Variants in ARHGAP22 observed in about 807,000 individuals in gnomAD.
ARHGAP22 encodes the protein rho GTPase-activating protein 22.
In ARHGAP22, 48 loss-of-function variants were observed where a neutral mutation model predicts 59.1. The observed-to-expected ratio is 0.81, with a 90% CI of 0.64 to 1.03. The LOEUF is 1.03. Among genes scored for constraint, ARHGAP22 ranks in the 50% least tolerant of loss-of-function variants. The probability of loss-of-function intolerance (pLI) is 0.00; values close to 1 mark genes in which losing one functional copy is unlikely to be tolerated. For synonymous variants in ARHGAP22, 445 were observed against 416.4 expected (o/e 1.07, Z -0.84); for missense variants, 1,015 against 958.7 (o/e 1.06, Z -0.78).
chr10:48,605,050 A>C lies in ARHGAP22; in HGVS notation c.-254T>G. ...CATCCAAGCGGACCATTAAAGCCTC[A>C]GTAATCACTGCTGATCAATCACTGG... On this transcript the variant is annotated 5_prime_UTR_variant, in exon 1 of 10. Transcript: ENST00000249601. The C allele has an allele frequency of 7.1e-7, 1 of 1,411,756 alleles. No individual in the cohort carries two copies. Among genetic ancestry groups the C allele is most frequent in the Non-Finnish European group, 9.2e-7 (1 of 1,083,780 alleles). 87.5% of individuals were successfully genotyped at this position (1,411,756 alleles called of 1,614,324 possible). A position where few individuals can be genotyped will look rare whatever the true frequency, so the allele number is the denominator to read the frequency against.
chr10:48,433,209 C>T, the ARHGAP22 span, among the ~76,000 whole-genome samples: 1 of 152,062 alleles, frequency 6.6e-6, no homozygotes, highest in Non-Finnish European at 1.5e-5. Flanking sequence ...GTTTTTTCCC[C>T]TTAGGTACTT....
intron 3 of ARHGAP22, among the ~76,000 whole-genome samples, chr10:48,482,485 C>A (rs574906453): frequency 1.3e-5 from 2 of 152,008 alleles, no homozygotes; most frequent in Non-Finnish European, 2.9e-5. Context: ...GCCTCAAATA[C>A]CATGTTGAAT....
chr10:48,446,540 T>A lies in ARHGAP22; in HGVS notation c.1948A>T (p.Ile650Phe). ...EELDQEKKKY[I>F]MLEIKLRNSE... ...TTCCGCAGCTTTATTTCCAGCATGA[T>A]GTATTTTTTCTTTTCCTGGTCCAGT... The change falls in exon 10 of 10, where the codon ATC becomes TTC. Residue 650 changes from isoleucine (I) to phenylalanine (F), a missense_variant. Physicochemically the swap from Ile to Phe is conservative, Grantham distance 21. Transcript: ENST00000249601. 1 of 1,614,242 alleles carries A rather than the reference T, an allele frequency of 6.2e-7. No homozygotes were observed. Among genetic ancestry groups the A allele is most frequent in the Non-Finnish European group, 8.5e-7 (1 of 1,180,050 alleles).
rs780605280 is a variant in ARHGAP22 at position 48,451,148 on chromosome 10, G to C, written c.989-8C>G. On this transcript the variant is annotated splice_polypyrimidine_tract_variant and splice_region_variant and intron_variant, in intron 8 of 9. Coordinates refer to ENST00000249601, the MANE Select transcript of ARHGAP22 (RefSeq NM_021226.4). ...GCTGGACGAGGGAAGTGCCTGCCGG[G>C]AAGAGAGGCGGAGAAGGGCCTTGCT... is the stretch of plus-strand genomic sequence containing the variant. 6.4e-7 allele frequency: 1 copy of C among 1,551,122 alleles called. No homozygotes were observed. Among genetic ancestry groups the C allele is most frequent in the South Asian group, 1.2e-5 (1 of 84,100 alleles).
At chr10:48,481,536 C>T (rs2049320246) in intron 3 of ARHGAP22, among the ~76,000 whole-genome samples, 1 of 152,120 alleles carries the variant, frequency 6.6e-6, no homozygotes, top group Admixed American at 6.5e-5. Flanking sequence ...AAGAGGGCCA[C>T]CCAAGTCACA....
At chr10:48,574,415 T>C (rs1165360823) in intron 2 of ARHGAP22, among the ~76,000 whole-genome samples, 1 of 152,198 alleles carries the variant, frequency 6.6e-6, no homozygotes, top group Non-Finnish European at 1.5e-5. Flanking sequence ...GTGTTATAAA[T>C]AACAACAGCA....
intron 1 of ARHGAP22, among the ~76,000 whole-genome samples, chr10:48,629,359 A>G (rs935481645): frequency 6.6e-6 from 1 of 152,224 alleles, no homozygotes; most frequent in African/African-American, 2.4e-5. Context: ...ATGGGTGTCA[A>G]TCCCAAGGTT....
chr10:48,454,001 A>G, intron 7 of ARHGAP22, 87 bp downstream of exon 7: 1 of 1,398,322 alleles, frequency 7.2e-7, no homozygotes, highest in Non-Finnish European at 1.0e-6. Flanking sequence ...CCCCTCTGAC[A>G]AGGAAGAGTT....
chr10:48,456,071 C>T (rs1455531602), intron 5 of ARHGAP22, among the ~76,000 whole-genome samples: 1 of 152,136 alleles, frequency 6.6e-6, no homozygotes, highest in African/African-American at 2.4e-5. Flanking sequence ...CAGTTCAGGT[C>T]CTAAACGAGA....
At chr10:48,602,857 G>A (rs552810497) in intron 1 of ARHGAP22, among the ~76,000 whole-genome samples, 1 of 152,368 alleles carries the variant, frequency 6.6e-6, no homozygotes, top group African/African-American at 2.4e-5. Flanking sequence ...GGACTGGGGT[G>A]TGTGGGAAGA....
chr10:48,630,116 G>A (rs943880399), intron 1 of ARHGAP22, among the ~76,000 whole-genome samples: 5 of 151,888 alleles, frequency 3.3e-5, no homozygotes, highest in African/African-American at 9.7e-5. Context: ...TTTTTCAGAC[G>A]GAGTCTTGCT....
At chr10:48,615,640 C>T (rs948653725) in intron 1 of ARHGAP22, among the ~76,000 whole-genome samples, 5 of 152,086 alleles carry the variant, frequency 3.3e-5, no homozygotes, top group African/African-American at 1.2e-4. Context: ...ATCAGTAGAA[C>T]TGTCCATAAT....
intron 3 of ARHGAP22, among the ~76,000 whole-genome samples, chr10:48,546,932 T>C (rs1464231097): frequency 6.6e-6 from 1 of 152,140 alleles, no homozygotes; most frequent in Non-Finnish European, 1.5e-5. Flanking sequence ...TGCTTGGCAA[T>C]ATTCTCACCC....
intron 1 of ARHGAP22, among the ~76,000 whole-genome samples, chr10:48,621,768 G>A (rs1319016252): frequency 2.0e-5 from 3 of 152,094 alleles, no homozygotes; most frequent in Non-Finnish European, 4.4e-5. Flanking sequence ...AGTTATTATT[G>A]TTGCACCATT....
At chr10:48,438,431 CAG>C in the ARHGAP22 span, 11 of 152,212 alleles carry the variant, frequency 7.2e-5, no homozygotes, top group South Asian at 8.3e-4. Context: ...GTAAGGAAAA[CAG>C]AAGTCCTAAT....
chr10:48,521,936 CT>C (rs2053841429), intron 3 of ARHGAP22, among the ~76,000 whole-genome samples: 1 of 152,208 alleles, frequency 6.6e-6, no homozygotes. Flanking sequence ...TTCATAATTC[CT>C]TATGTCTAAG....
intron 2 of ARHGAP22, among the ~76,000 whole-genome samples, 172 bp from the exon 3 acceptor site, chr10:48,555,722 C>G (rs557273479): frequency 1.8e-4 from 28 of 152,310 alleles, no homozygotes; most frequent in Admixed American, 1.8e-3. Context: ...GAGATGAGGC[C>G]TACTCAGAGT....
the ARHGAP22 span, chr10:48,439,017 C>T: frequency 3.9e-5 from 6 of 152,138 alleles, no homozygotes; most frequent in Non-Finnish European, 8.8e-5. Context: ...AATTACGTGT[C>T]TCCCTGGACT....
At position 48,611,731 on chromosome 10, in the gene ARHGAP22, C is replaced by T. The variant is rs914254442; in HGVS notation, c.53-28579G>A. On this transcript the variant is annotated intron_variant, in intron 1 of 9. Transcript: ENST00000435790. ...CACCACAGTCAAATTCTTCCCTGCC[C>T]CACTGTTCTGAGCAGATGCCACACC... 4.6e-5 allele frequency among the ~76,000 whole-genome samples: 7 copies of T among 152,100 alleles called. No homozygotes were observed. The East Asian group carries it at 9.7e-4, about 21-fold the overall frequency.
Sources: gnomAD v4.1 joint callset for allele counts (sites outside exome capture counted in the v4.1 genomes callset) on GRCh38, gnomAD v4.1.1 for gene constraint, MANE v1.5 for transcripts, NCBI Gene and HGNC (gene_info 2026-07-23, HGNC 2026-07-21) for gene names.